The following GPHN variants were observed in gnomAD, a reference collection of about 807,000 sequenced individuals.
The protein encoded by GPHN is gephyrin.
In GPHN, 17 loss-of-function variants were observed where a neutral mutation model predicts 95.5. The observed-to-expected ratio is 0.18, with a 90% CI of 0.12 to 0.27. GPHN has a LOEUF of 0.27. Ranked by LOEUF, GPHN falls within the 10% of genes least tolerant of loss-of-function variation. The pLI is 1.00. For missense variants in GPHN, 660 were observed against 978.1 expected (o/e 0.67, Z 4.34); for synonymous variants, 320 against 322.5 (o/e 0.99, Z 0.08).
At chr14:67,084,623 C>A (rs541255187) in intron 11 of GPHN, among the ~76,000 whole-genome samples, 1 of 152,196 alleles carries the variant, frequency 6.6e-6, no homozygotes, top group African/African-American at 2.4e-5. Context: ...TTGAGGACAT[C>A]AGCCAGGCCC....
chr14:66,891,422 T>C (rs533935261), intron 5 of GPHN, among the ~76,000 whole-genome samples: 1 of 152,220 alleles, frequency 6.6e-6, no homozygotes, highest in South Asian at 2.1e-4. Flanking sequence ...ACGAATGGTG[T>C]TGGGAAAATT....
chr14:67,642,793 C>CTTTTTTTTTTTTTTTTTTTTTTTTTTTT, the GPHN span, among the ~76,000 whole-genome samples: 2 of 75,518 alleles, frequency 2.6e-5, 1 homozygote, highest in Non-Finnish European at 4.6e-5. Flanking sequence ...ACTACATTTT[C>CTTTTTTTTTTTTTTTTTTTTTTTTTTTT]TTTTTTTTTT....
chr14:67,181,010 C>T lies in GPHN; in HGVS notation c.*73C>T, dbSNP rs2083300548. The T allele has an allele frequency of 2.8e-6, 4 of 1,447,768 alleles. No individual in the cohort carries two copies. In the East Asian group the frequency reaches 9.1e-5, roughly 33 times the overall value. The allele number at this position is 1,447,768 out of a possible 1,614,324, so 89.7% of individuals were successfully genotyped here. ...CTGTATCCTGTAATATGCAACGGCA[C>T]AGCTAGTTTTCCCGATTTGGATAAA... On this transcript the variant is annotated 3_prime_UTR_variant, in exon 23 of 23. Coordinates refer to ENST00000478722, the MANE Select transcript of GPHN (RefSeq NM_020806.5).
At chr14:67,436,665 C>T in the GPHN span, among the ~76,000 whole-genome samples, 1 of 152,200 alleles carries the variant, frequency 6.6e-6, no homozygotes, top group African/African-American at 2.4e-5. Context: ...AAGTTCCTCC[C>T]ATAGGGTCAG....
chr14:67,490,890 G>A, the GPHN span, among the ~76,000 whole-genome samples: 63 of 152,242 alleles, frequency 4.1e-4, 1 homozygote, highest in African/African-American at 1.5e-3. Flanking sequence ...ATATGGGGTG[G>A]GCGTGGAGGG....
At chr14:67,019,146 C>A (rs1490916685) in intron 9 of GPHN, among the ~76,000 whole-genome samples, 2 of 152,138 alleles carry the variant, frequency 1.3e-5, no homozygotes. Context: ...ATTTTAAATA[C>A]CTTGTATTGA....
chr14:66,716,539 A>G (rs1032844005), intron 2 of GPHN, among the ~76,000 whole-genome samples: 1 of 151,882 alleles, frequency 6.6e-6, no homozygotes, highest in Admixed American at 6.6e-5. Context: ...TCATCATGCT[A>G]TTTGTTGCCT....
At chr14:67,421,273 A>C in the GPHN span, among the ~76,000 whole-genome samples, 55 of 152,264 alleles carry the variant, frequency 3.6e-4, no homozygotes, top group African/African-American at 1.3e-3. Flanking sequence ...CATGTAAAGC[A>C]CTTAGAAAGC....
At chr14:66,585,170 T>C (rs1254567180) in intron 1 of GPHN, among the ~76,000 whole-genome samples, 2 of 152,204 alleles carry the variant, frequency 1.3e-5, no homozygotes, top group African/African-American at 4.8e-5. Context: ...TCTAGTTTAT[T>C]TGTGTAGAGG....
the GPHN span, among the ~76,000 whole-genome samples, chr14:67,247,037 T>G: frequency 6.6e-6 from 1 of 152,232 alleles, no homozygotes; most frequent in Non-Finnish European, 1.5e-5. Context: ...TATTTTTAGT[T>G]CCTTTGCTTT....
intron 2 of GPHN, among the ~76,000 whole-genome samples, chr14:66,740,502 C>G (rs2072707020): frequency 6.6e-6 from 1 of 150,952 alleles, no homozygotes; most frequent in African/African-American, 2.4e-5. Context: ...TCTTTGTAGG[C>G]TCTTTGTATT....
chr14:66,945,318 G>A (rs778098625), intron 8 of GPHN, among the ~76,000 whole-genome samples: 4 of 152,148 alleles, frequency 2.6e-5, no homozygotes, highest in Admixed American at 1.3e-4. Flanking sequence ...CAAATGGTGC[G>A]AACTTCTAAA....
chr14:66,529,422 T>A (rs931965339), intron 1 of GPHN, among the ~76,000 whole-genome samples: 3 of 152,168 alleles, frequency 2.0e-5, no homozygotes, highest in African/African-American at 7.2e-5. Flanking sequence ...CTCCTTCAGC[T>A]CGGAGGAGTT....
At chr14:67,197,614 A>T in the GPHN span, among the ~76,000 whole-genome samples, 1 of 152,180 alleles carries the variant, frequency 6.6e-6, no homozygotes, top group African/African-American at 2.4e-5. Flanking sequence ...GGAGCGCGCA[A>T]CCAAGAGCTA....
chr14:66,826,068 G>T (rs541745798), intron 4 of GPHN, among the ~76,000 whole-genome samples: 2 of 151,962 alleles, frequency 1.3e-5, no homozygotes, highest in South Asian at 4.2e-4. Context: ...TTTGTGTGAT[G>T]GTTTGATATT....
the GPHN span, chr14:67,340,032 CAAAAAAAAAAA>C: frequency 1.4e-5 from 1 of 71,698 alleles, no homozygotes; most frequent in Non-Finnish European, 3.3e-5. Flanking sequence ...CTCTGTCTCA[CAAAAAAAAAAA>C]AAAAAAAAAG....
At chr14:67,585,815 T>C in the GPHN span, 2 of 1,074,966 alleles carry the variant, frequency 1.9e-6, no homozygotes, top group South Asian at 3.0e-5. Context: ...CTTGTAGATA[T>C]TCAAGATGGA....
chr14:67,134,956 T>C lies in GPHN; in HGVS notation c.1749-8406T>C, dbSNP rs866857031. Among the ~76,000 whole-genome samples the C allele has an allele frequency of 4.4e-3, 484 of 110,062 alleles. 6 individuals carry two copies. The highest frequency in any genetic ancestry group is 6.2e-3 in the Non-Finnish European group (309 of 49,602). The allele number at this position is 110,062 out of a possible 152,430, so 72.2% of individuals were successfully genotyped here. A position where few individuals can be genotyped will look rare whatever the true frequency, so the allele number is the denominator to read the frequency against. On this transcript the variant is annotated intron_variant, in intron 17 of 22. Coordinates refer to ENST00000478722, the MANE Select transcript of GPHN (RefSeq NM_020806.5). ...TTTTTCTCTTTCTTTCTTTCTTCTT[T>C]TTTTTTTTTTTTTTTTTTTTTTTGA...
chr14:66,593,396 C>T (rs1566670071), intron 1 of GPHN, among the ~76,000 whole-genome samples: 1 of 151,966 alleles, frequency 6.6e-6, no homozygotes, highest in Non-Finnish European at 1.5e-5. Flanking sequence ...GTGGAGCCCT[C>T]AGGAAACTTA....
Sources: allele counts gnomAD v4.1 joint callset (sites outside exome capture counted in the v4.1 genomes callset), GRCh38; gene constraint gnomAD v4.1.1; transcripts MANE v1.5; gene names NCBI Gene and HGNC (gene_info 2026-07-23, HGNC 2026-07-21).